Variants in MYO16 observed in about 807,000 individuals in gnomAD.
MYO16 encodes the protein unconventional myosin-XVI.
Under a neutral mutation model 205.3 loss-of-function variants are expected in MYO16, and 94 were observed. The observed-to-expected ratio is 0.46, with a 90% CI of 0.39 to 0.54. MYO16 has a LOEUF of 0.54. Ranked by LOEUF, MYO16 falls within the 20% of genes least tolerant of loss-of-function variation. The pLI, the probability that MYO16 is intolerant of heterozygous loss-of-function variation, is 0.00. For synonymous variants in MYO16, 988 were observed against 954.0 expected (o/e 1.04, Z -0.66); for missense variants, 2,315 against 2,387.5 (o/e 0.97, Z 0.63).
chr13:108,876,726 G>A (rs1257744394), intron 12 of MYO16, among the ~76,000 whole-genome samples: 1 of 150,218 alleles, frequency 6.7e-6, no homozygotes, highest in Non-Finnish European at 1.5e-5. Context: ...GAGTGCAGTG[G>A]CACAATCTTG....
intron 4 of MYO16, among the ~76,000 whole-genome samples, chr13:108,727,841 C>G (rs889994052): frequency 7.2e-5 from 11 of 152,184 alleles, no homozygotes; most frequent in African/African-American, 2.7e-4. Context: ...TGATACAAGT[C>G]AGTTTCAACT....
At chr13:108,531,084 C>T in the MYO16 span, among the ~76,000 whole-genome samples, 1 of 152,140 alleles carries the variant, frequency 6.6e-6, no homozygotes, top group East Asian at 1.9e-4. Flanking sequence ...TTTGTGCAAA[C>T]GTGGAGTTGG....
chr13:109,206,337 T>C (rs1001786063), intron 34 of MYO16, among the ~76,000 whole-genome samples: 2 of 152,136 alleles, frequency 1.3e-5, no homozygotes, highest in African/African-American at 4.8e-5. Context: ...AGCAGACATT[T>C]GATTCTTTCT....
At chr13:108,837,632 G>A (rs900305641) in intron 9 of MYO16, among the ~76,000 whole-genome samples, 8 of 152,146 alleles carry the variant, frequency 5.3e-5, no homozygotes, top group African/African-American at 1.9e-4. Context: ...GGGCTTAAAG[G>A]TTCAGGTGGT....
chr13:108,975,530 A>G (rs1355952338), intron 20 of MYO16, among the ~76,000 whole-genome samples: 2 of 152,144 alleles, frequency 1.3e-5, no homozygotes, highest in African/African-American at 4.8e-5. Context: ...AATCTCTTTC[A>G]AGGGACGCAG....
intron 32 of MYO16, among the ~76,000 whole-genome samples, chr13:109,156,204 A>G (rs1399693022): frequency 6.6e-6 from 1 of 152,226 alleles, no homozygotes; most frequent in Non-Finnish European, 1.5e-5. Flanking sequence ...AAGTGCTTGT[A>G]TCCAAATTTA....
intron 16 of MYO16, among the ~76,000 whole-genome samples, chr13:108,932,892 C>T (rs1882321832): frequency 6.6e-6 from 1 of 152,158 alleles, no homozygotes; most frequent in African/African-American, 2.4e-5. Context: ...GGCCCATGGA[C>T]TGTCCCTTAC....
At chr13:108,792,740 G>A (rs1886655566) in intron 5 of MYO16, among the ~76,000 whole-genome samples, 1 of 151,996 alleles carries the variant, frequency 6.6e-6, no homozygotes, top group Non-Finnish European at 1.5e-5. Flanking sequence ...TTCAGCTCTT[G>A]CCCTCAGGTG....
chr13:108,945,168 A>G (rs542803909), intron 16 of MYO16, among the ~76,000 whole-genome samples: 7 of 152,334 alleles, frequency 4.6e-5, no homozygotes, highest in African/African-American at 1.7e-4. Flanking sequence ...TCTCTAAATT[A>G]GAATATTACA....
the MYO16 span, among the ~76,000 whole-genome samples, chr13:108,573,766 A>G: frequency 6.6e-6 from 1 of 152,176 alleles, no homozygotes; most frequent in African/African-American, 2.4e-5. Context: ...TTCCTTTTTA[A>G]AAGTCAAACT....
chr13:108,909,160 A>T lies in MYO16; in HGVS notation c.1778-843A>T, dbSNP rs149655664. ...ACCAACGCTAGCTTCTGAATTGCTG[A>T]TCTTCATATGTAAAGCAAAATTGAG... On this transcript the variant is annotated intron_variant, in intron 15 of 34. Transcript: ENST00000457511. Among the ~76,000 whole-genome samples, 491 of 152,272 alleles carry T rather than the reference A, an allele frequency of 3.2e-3. 2 individuals are homozygous for T. Among genetic ancestry groups the T allele is most frequent in the African/African-American group, 0.011 (469 of 41,560 alleles).
intron 4 of MYO16, among the ~76,000 whole-genome samples, chr13:108,776,954 C>G (rs749498423): frequency 5.3e-5 from 8 of 152,114 alleles, no homozygotes; most frequent in Non-Finnish European, 1.0e-4. Flanking sequence ...TTGAGAGCAT[C>G]ACAGACACAG....
intron 34 of MYO16, among the ~76,000 whole-genome samples, chr13:109,181,870 G>T (rs185119315): frequency 5.0e-4 from 76 of 151,246 alleles, no homozygotes; most frequent in Non-Finnish European, 1.0e-3. Flanking sequence ...GCCCAGGCTG[G>T]AGTGCAATGG....
the MYO16 span, among the ~76,000 whole-genome samples, chr13:108,541,248 T>C: frequency 6.6e-6 from 1 of 151,920 alleles, no homozygotes; most frequent in East Asian, 1.9e-4. Context: ...TTTACAGACA[T>C]ATAACTTATA....
chr13:108,637,396 G>C (rs1366314277), intron 1 of MYO16, among the ~76,000 whole-genome samples: 1 of 152,190 alleles, frequency 6.6e-6, no homozygotes, highest in Non-Finnish European at 1.5e-5. Flanking sequence ...CCCAGACTCA[G>C]TATCACATTA....
intron 9 of MYO16, among the ~76,000 whole-genome samples, chr13:108,832,144 A>ATTTTT (rs10635580): frequency 0.021 from 2,848 of 134,544 alleles, 99 homozygotes; most frequent in Non-Finnish European, 0.029. Flanking sequence ...TTCCGTATGG[A>ATTTTT]TTTTTTTTTT....
At chr13:108,654,747 T>C (rs532065235) in intron 1 of MYO16, among the ~76,000 whole-genome samples, 33 of 152,130 alleles carry the variant, frequency 2.2e-4, no homozygotes, top group Non-Finnish European at 2.8e-4. Context: ...AACAATAAGG[T>C]CCAGGCTGAG....
chr13:108,530,606 C>A, the MYO16 span, among the ~76,000 whole-genome samples: 1 of 152,156 alleles, frequency 6.6e-6, no homozygotes, highest in Admixed American at 6.5e-5. Flanking sequence ...TCTGTGGAGA[C>A]AGAATATGTC....
At chr13:108,662,429 C>A (rs1881544197) in intron 1 of MYO16, among the ~76,000 whole-genome samples, 1 of 152,092 alleles carries the variant, frequency 6.6e-6, no homozygotes, top group South Asian at 2.1e-4. Flanking sequence ...TGTGACTGAG[C>A]TTAGACTCTC....
Sources: gnomAD v4.1 joint callset for allele counts (sites outside exome capture counted in the v4.1 genomes callset) on GRCh38, gnomAD v4.1.1 for gene constraint, MANE v1.5 for transcripts, NCBI Gene and HGNC (gene_info 2026-07-23, HGNC 2026-07-21) for gene names.